HERC3: variants seen among roughly 807,000 people sequenced by gnomAD.
HERC3 encodes the protein HECT and RLD domain containing E3 ubiquitin protein ligase 3, also known as probable E3 ubiquitin-protein ligase HERC3.
A neutral mutation model predicts 129.9 loss-of-function variants in HERC3; 58 were observed. That is an observed-to-expected ratio of 0.45 (90% CI 0.36 to 0.56). HERC3 has a LOEUF of 0.56. Ranked by LOEUF, HERC3 falls within the 20% of genes least tolerant of loss-of-function variation. HERC3 has a pLI of 0.00. For synonymous variants in HERC3, 430 were observed against 451.0 expected (o/e 0.95, Z 0.59); for missense variants, 835 against 1,244.2 (o/e 0.67, Z 4.95).
the HERC3 span, among the ~76,000 whole-genome samples, chr4:88,576,199 C>G: frequency 6.6e-6 from 1 of 152,150 alleles, no homozygotes; most frequent in Non-Finnish European, 1.5e-5. Context: ...GCCATTCTAG[C>G]CCAGATTACT....
At chr4:88,671,709 A>G (rs1386167906) in intron 16 of HERC3, among the ~76,000 whole-genome samples, 2 of 151,982 alleles carry the variant, frequency 1.3e-5, no homozygotes, top group African/African-American at 4.8e-5. Context: ...TTTTTTGTAG[A>G]GATGGGGTTT....
the HERC3 span, among the ~76,000 whole-genome samples, chr4:88,538,806 G>A: frequency 6.6e-6 from 1 of 152,040 alleles, no homozygotes; most frequent in African/African-American, 2.4e-5. Flanking sequence ...GCCTCCCAAA[G>A]TGCTGGGATT....
At chr4:88,572,257 C>G in the HERC3 span, among the ~76,000 whole-genome samples, 1 of 151,664 alleles carries the variant, frequency 6.6e-6, no homozygotes, top group Non-Finnish European at 1.5e-5. Flanking sequence ...GATCTCATCT[C>G]CAAAAAAGTG....
rs368647360 is a variant in HERC3 at position 88,658,434 on chromosome 4, C to T, written c.1089C>T (p.Ile363=). The part of the protein sequence containing the change: ...SARADRFKYH[I]VKQIFSGGDQ... ...TGACAGATCGCTTTAAATATCATAT[C>T]GTTAAGCAGATCTTCTCTGGAGGAG... The change falls in exon 10 of 26, where the codon ATC becomes ATT. Residue 363 remains isoleucine, a synonymous_variant. Transcript: ENST00000402738. 24 of 1,595,642 alleles carry T rather than the reference C, an allele frequency of 1.5e-5. No individual in the cohort carries two copies. The highest frequency in any genetic ancestry group is 2.3e-5 in the South Asian group (2 of 88,104).
upstream of HERC3, among the ~76,000 whole-genome samples, chr4:88,588,753 T>C (rs555875945): frequency 1.3e-5 from 2 of 152,372 alleles, no homozygotes; most frequent in South Asian, 4.1e-4. Context: ...TACCATTCTA[T>C]TGAAAAATGG....
intron 3 of HERC3, among the ~76,000 whole-genome samples, chr4:88,612,328 G>GTGTGTGT (rs1560675041): frequency 2.4e-3 from 237 of 97,930 alleles, no homozygotes; most frequent in African/African-American, 0.011. Context: ...TGTGTGTGTG[G>GTGTGTGT]TAAGAAGGAG....
the HERC3 span, among the ~76,000 whole-genome samples, chr4:88,547,456 A>G: frequency 2.0e-5 from 3 of 152,282 alleles, no homozygotes; most frequent in Admixed American, 2.0e-4. Context: ...TCATTTTGGA[A>G]CATTTTCATT....
intron 7 of HERC3, among the ~76,000 whole-genome samples, chr4:88,654,382 A>G (rs1443878405): frequency 9.4e-6 from 1 of 106,710 alleles, no homozygotes; most frequent in Admixed American, 1.1e-4. Flanking sequence ...ATATATATAT[A>G]TATATACACA....
intron 3 of HERC3, among the ~76,000 whole-genome samples, chr4:88,643,571 T>C (rs1435068394): frequency 2.0e-5 from 3 of 152,136 alleles, no homozygotes; most frequent in African/African-American, 7.2e-5. Context: ...AGCCCAGAAA[T>C]ATATCCACAC....
chr4:88,667,782 A>T, intron 13 of HERC3, 110 bp from the exon 14 acceptor site: 2 of 800,648 alleles, frequency 2.5e-6, no homozygotes, highest in Non-Finnish European at 2.0e-6. Context: ...TTCTCAGTGC[A>T]TAGTGAATGA....
intron 3 of HERC3, among the ~76,000 whole-genome samples, chr4:88,618,704 C>T (rs983265706): frequency 2.6e-5 from 4 of 152,150 alleles, no homozygotes; most frequent in Non-Finnish European, 5.9e-5. Context: ...TGGGCAGGAC[C>T]TCTGTACCCA....
chr4:88,552,027 C>T, the HERC3 span, among the ~76,000 whole-genome samples: 16 of 151,362 alleles, frequency 1.1e-4, no homozygotes, highest in Admixed American at 7.9e-4. Context: ...AGTAAACTAT[C>T]GCAAGGACAA....
chr4:88,536,399 TC>T, the HERC3 span, among the ~76,000 whole-genome samples: 1 of 152,190 alleles, frequency 6.6e-6, no homozygotes, highest in Non-Finnish European at 1.5e-5. Flanking sequence ...TCTCCCTGCT[TC>T]CTGGGAATTG....
chr4:88,688,590 C>G (rs1025452341), intron 23 of HERC3, among the ~76,000 whole-genome samples: 1 of 152,074 alleles, frequency 6.6e-6, no homozygotes, highest in African/African-American at 2.4e-5. Context: ...TAATAGGAAA[C>G]AGAGTCTATA....
Position 88,667,489 on chromosome 4 carries a change from G to T in HERC3, c.1443+1G>T, listed in dbSNP as rs1266412043. On this transcript the variant is annotated splice_donor_variant, in intron 13 of 25. Transcript: ENST00000402738. LOFTEE classifies it high-confidence loss of function. ...TCAGCACTCCATGATTCTAGAACAG[G>T]TATGTTTCTATATTTGTAAAGTGCA... 6.6e-7 allele frequency: 1 copy of T among 1,509,872 alleles called. No homozygotes were observed. The highest frequency in any genetic ancestry group is 2.3e-5 in the East Asian group (1 of 43,938). 93.5% of individuals were successfully genotyped at this position (1,509,872 alleles called of 1,614,324 possible). A position where few individuals can be genotyped will look rare whatever the true frequency, so the allele number is the denominator to read the frequency against.
chr4:88,556,925 A>C, the HERC3 span, among the ~76,000 whole-genome samples: 4 of 151,462 alleles, frequency 2.6e-5, no homozygotes, highest in Non-Finnish European at 5.9e-5. Context: ...AATCTTTCCT[A>C]TTCTTATCTT....
At chr4:88,660,482 G>A (rs925846858) in intron 10 of HERC3, among the ~76,000 whole-genome samples, 1 of 152,178 alleles carries the variant, frequency 6.6e-6, no homozygotes, top group Non-Finnish European at 1.5e-5. Context: ...AGGATTACAG[G>A]CGTGATCCAC....
intron 1 of HERC3, chr4:88,593,524 T>G (rs759372274): frequency 4.6e-5 from 7 of 152,282 alleles, no homozygotes; most frequent in Non-Finnish European, 8.8e-5. Flanking sequence ...GGTCTGTCAC[T>G]GTTTCTGGCT....
At chr4:88,525,324 G>A in the HERC3 span, among the ~76,000 whole-genome samples, 1 of 152,180 alleles carries the variant, frequency 6.6e-6, no homozygotes, top group African/African-American at 2.4e-5. Context: ...TTCCGACTAG[G>A]GCAGTAGCAG....
Sources: allele counts gnomAD v4.1 joint callset (sites outside exome capture counted in the v4.1 genomes callset), GRCh38; gene constraint gnomAD v4.1.1; transcripts MANE v1.5; gene names NCBI Gene and HGNC (gene_info 2026-07-23, HGNC 2026-07-21).